VWA3A: variants seen among roughly 807,000 people sequenced by gnomAD.
The protein encoded by VWA3A is von Willebrand factor A domain-containing protein 3A.
In VWA3A, 134 loss-of-function variants were observed where a neutral mutation model predicts 160.4. That is an observed-to-expected ratio of 0.84 (90% CI 0.73 to 0.96). The LOEUF (loss-of-function observed/expected upper bound fraction) is 0.96. Among genes scored for constraint, VWA3A ranks in the 40% least tolerant of loss-of-function variants. VWA3A has a pLI of 0.00. For synonymous variants in VWA3A, 476 were observed against 543.4 expected (o/e 0.88, Z 1.72); for missense variants, 1,310 against 1,447.9 (o/e 0.90, Z 1.55).
rs1465227388 is a variant in VWA3A at position 22,095,010 on chromosome 16, C to A, written c.15-1849C>A. Among the ~76,000 whole-genome samples the A allele has an allele frequency of 6.6e-5, 10 of 151,876 alleles. No individual in the cohort carries two copies. The East Asian group carries it at 1.9e-3, about 29-fold the overall frequency. On this transcript the variant is annotated intron_variant, in intron 1 of 33. Transcript: ENST00000389398. ...ACCAAGGGAGTCTTTCAACCTCCTG[C>A]CCCTTCACCTTCCCTTCTCAAAATA...
At chr16:22,147,705 G>A (rs989735692) in intron 27 of VWA3A, 7 of 700,978 alleles carry the variant, frequency 1.0e-5, no homozygotes, top group East Asian at 8.0e-5. Context: ...CTCCACCCTC[G>A]GTTCACATTA....
At chr16:22,105,193 T>C (rs2045465964) in intron 6 of VWA3A, among the ~76,000 whole-genome samples, 2 of 152,112 alleles carry the variant, frequency 1.3e-5, no homozygotes, top group Middle Eastern at 3.2e-3. Context: ...GGCATCCACG[T>C]AGGGCATGCT....
In VWA3A at chr16:22,134,433, CA is replaced by C; in HGVS notation, c.2138del (p.Lys713SerfsTer9). ...GATGGAAAAGGCTCTCAACTACTCC[CA>C]AAAGGTATGCCCTGGGCATGGGCCA... ...SEMEKALNYS[Q>X]KCAFLMASLK... On this transcript the variant is annotated frameshift_variant, in exon 21 of 34. Transcript: ENST00000389398. LOFTEE classifies it high-confidence loss of function. 6.3e-7 allele frequency: 1 copy of C among 1,590,584 alleles called. No homozygotes were observed. Among genetic ancestry groups the C allele is most frequent in the Non-Finnish European group, 8.6e-7 (1 of 1,167,666 alleles).
At chr16:22,146,024 G>A (rs2046242791) in intron 26 of VWA3A, among the ~76,000 whole-genome samples, 1 of 152,108 alleles carries the variant, frequency 6.6e-6, no homozygotes, top group Admixed American at 6.6e-5. Context: ...GTCTCCCTAT[G>A]TTACCCAGGC....
At chr16:22,116,115 GA>G (rs1230563456) in intron 9 of VWA3A, among the ~76,000 whole-genome samples, 2 of 134,966 alleles carry the variant, frequency 1.5e-5, no homozygotes, top group African/African-American at 2.7e-5. Flanking sequence ...AAAGAAACAA[GA>G]AAAAAAGAAA....
At chr16:22,132,631 C>T (rs1329635036) in intron 19 of VWA3A, among the ~76,000 whole-genome samples, 2 of 152,298 alleles carry the variant, frequency 1.3e-5, no homozygotes, top group Non-Finnish European at 2.9e-5. Flanking sequence ...TGGGAGTCTG[C>T]ATTTCTGGCA....
At chr16:22,110,847 C>T in intron 7 of VWA3A, 41 bp from the exon 8 acceptor site, 1 of 1,552,116 alleles carries the variant, frequency 6.4e-7, no homozygotes, top group Non-Finnish European at 8.7e-7. Context: ...GCTCCCGATT[C>T]CCCTGGCTGT....
At chr16:22,114,447 G>GT (rs1229520507) in intron 8 of VWA3A, among the ~76,000 whole-genome samples, 1 of 152,102 alleles carries the variant, frequency 6.6e-6, no homozygotes, top group Admixed American at 6.6e-5. Flanking sequence ...AGTGGGTATG[G>GT]GTAAGAAGGA....
chr16:22,155,487 C>A, intron 31 of VWA3A, 80 bp from the exon 32 acceptor site: 1 of 1,249,518 alleles, frequency 8.0e-7, no homozygotes, highest in Non-Finnish European at 1.2e-6. Context: ...ACGTGATTAG[C>A]TCTAAAATGC....
chr16:22,121,461 G>T, intron 13 of VWA3A, 53 bp from the exon 14 acceptor site: 2 of 1,418,778 alleles, frequency 1.4e-6, no homozygotes, highest in South Asian at 1.1e-5. Flanking sequence ...TAAAAGGCTT[G>T]AACCCTTTGG....
intron 28 of VWA3A, 66 bp downstream of exon 28, chr16:22,148,372 G>GC: frequency 6.6e-7 from 1 of 1,518,064 alleles, no homozygotes; most frequent in Non-Finnish European, 8.8e-7. Flanking sequence ...GGCCAAGCAC[G>GC]CCCCCTCTTC....
At position 22,150,845 on chromosome 16, in the gene VWA3A, A is replaced by C; in HGVS notation, c.3280A>C (p.Arg1094=). 1 of 1,612,692 alleles carries C rather than the reference A, an allele frequency of 6.2e-7. No individual in the cohort carries two copies. Among genetic ancestry groups the C allele is most frequent in the Non-Finnish European group, 8.5e-7 (1 of 1,179,392 alleles). ...VHTISLNCSD[R]AAVEFLRKLA... is the part of the protein sequence containing the mutation. ...CACCATTTCCTTGAACTGCTCAGAC[A>C]GGTGCGCAATATGGAGTCTGACTGA... The change falls in exon 30 of 34, where the codon AGA becomes CGA. Residue 1094 remains arginine (R), a splice_region_variant and synonymous_variant. Coordinates refer to ENST00000389398, the MANE Select transcript of VWA3A (RefSeq NM_173615.5).
At chr16:22,145,905 T>TACC (rs1471479821) in intron 26 of VWA3A, among the ~76,000 whole-genome samples, 1 of 152,002 alleles carries the variant, frequency 6.6e-6, no homozygotes, top group African/African-American at 2.4e-5. Context: ...CTGCAGCCTC[T>TACC]ACCTCCCTGG....
intron 17 of VWA3A, 133 bp from the exon 18 acceptor site, chr16:22,131,072 G>A: frequency 1.3e-6 from 1 of 770,292 alleles, no homozygotes; most frequent in Non-Finnish European, 2.2e-6. Flanking sequence ...GCTGGCCCAG[G>A]CCAGTGACAT....
At chr16:22,140,280 T>C in intron 23 of VWA3A, 36 bp downstream of exon 23, 3 of 1,600,624 alleles carry the variant, frequency 1.9e-6, no homozygotes, top group Non-Finnish European at 2.6e-6. Context: ...GGTGGAGGGA[T>C]GTCACGGTCA....
At chr16:22,152,075 G>A (rs1248548039) in intron 30 of VWA3A, among the ~76,000 whole-genome samples, 4 of 152,338 alleles carry the variant, frequency 2.6e-5, no homozygotes, top group Non-Finnish European at 4.4e-5. Context: ...GCCGGGCGTG[G>A]TGGCAGGTGC....
intron 16 of VWA3A, among the ~76,000 whole-genome samples, chr16:22,125,487 G>A (rs1440547711): frequency 6.6e-6 from 1 of 151,880 alleles, no homozygotes; most frequent in East Asian, 1.9e-4. Context: ...GCAGTGGCGC[G>A]ATCTTGGCTC....
rs1403100811 is a variant in VWA3A at position 22,140,155 on chromosome 16, G to C, written c.2294G>C (p.Ser765Thr). 7.4e-6 allele frequency: 12 copies of C among 1,613,128 alleles called. No homozygotes were observed. The highest frequency in any genetic ancestry group is 1.7e-4 in the Middle Eastern group (1 of 6,060). ...TGGGAAAGATTGCCTGTTTTCTAGA[G>C]CATTAAAGATGACCCTGACAGAGAG... ...RPTVPLGARM[S>T]IKDDPDREKS... The change falls in exon 23 of 34, where the codon AGC becomes ACC. Residue 765 changes from serine to threonine, a missense_variant and splice_region_variant. By Grantham distance (58) the Ser-to-Thr change is moderately conservative. Coordinates refer to ENST00000389398, the MANE Select transcript of VWA3A (RefSeq NM_173615.5).
Position 22,107,354 on chromosome 16 carries a change from C to T in VWA3A, c.484-2128C>T, listed in dbSNP as rs145062464. ...CTGAAATGCACAGGACAGCTCCCTA[C>T]AACAGATAATTATCCAGCCCAAATG... On this transcript the variant is annotated intron_variant, in intron 6 of 33. Transcript: ENST00000389398. Among the ~76,000 whole-genome samples the T allele has an allele frequency of 2.0e-5, 3 of 152,298 alleles. No individual in the cohort carries two copies. In the East Asian group the frequency reaches 5.8e-4, roughly 29 times the overall value.
Sources: allele counts gnomAD v4.1 joint callset (sites outside exome capture counted in the v4.1 genomes callset), GRCh38; gene constraint gnomAD v4.1.1; transcripts MANE v1.5; gene names NCBI Gene and HGNC (gene_info 2026-07-23, HGNC 2026-07-21).